Variants in TIMMDC1 observed in about 807,000 individuals in gnomAD.
The protein encoded by TIMMDC1 is complex I assembly factor TIMMDC1, mitochondrial.
A neutral mutation model predicts 32.6 loss-of-function variants in TIMMDC1; 25 were observed. The observed-to-expected ratio is 0.77, with a 90% CI of 0.56 to 1.07. TIMMDC1 has a LOEUF of 1.07. Ranked by LOEUF, TIMMDC1 falls within the 50% of genes least tolerant of loss-of-function variation. TIMMDC1 has a pLI of 0.00. For missense variants in TIMMDC1, 329 were observed against 349.2 expected, an observed-to-expected ratio of 0.94 and a Z score of 0.46; for synonymous variants, 130 against 127.6, an observed-to-expected ratio of 1.02 and a Z score of -0.13.
intron 5 of TIMMDC1, among the ~76,000 whole-genome samples, chr3:119,515,912 C>T (rs1459955690): frequency 6.6e-6 from 1 of 152,146 alleles, no homozygotes; most frequent in East Asian, 1.9e-4. Context: ...CCTGTTCACC[C>T]CTTTGTCTAC....
chr3:119,518,733 C>G (rs1457324863), intron 6 of TIMMDC1, among the ~76,000 whole-genome samples: 1 of 152,136 alleles, frequency 6.6e-6, no homozygotes, highest in African/African-American at 2.4e-5. Flanking sequence ...AGTGGCTGAG[C>G]TGCCACGTGC....
chr3:119,505,871 A>G (rs2081915614), intron 4 of TIMMDC1, among the ~76,000 whole-genome samples: 1 of 152,166 alleles, frequency 6.6e-6, no homozygotes, highest in Non-Finnish European at 1.5e-5. Context: ...TTCTCTGTGT[A>G]TATGTGTACA....
chr3:119,503,950 C>G lies in TIMMDC1; in HGVS notation c.450-4C>G. 1 of 1,611,130 alleles carries G rather than the reference C, an allele frequency of 6.2e-7. No individual in the cohort carries two copies. The highest frequency in any genetic ancestry group is 1.1e-5 in the South Asian group (1 of 90,954). On this transcript the variant is annotated splice_polypyrimidine_tract_variant and splice_region_variant and intron_variant, in intron 3 of 6. Transcript: ENST00000494664. ...ATATTTTCCTTCTCCTCCCTTTTTACCAGCACAGTGAACACTAGTCTGAAT... is the reference window on the plus strand; with the variant it reads ...ATATTTTCCTTCTCCTCCCTTTTTAGCAGCACAGTGAACACTAGTCTGAAT...
chr3:119,505,219 C>T (rs1005813355), intron 4 of TIMMDC1, among the ~76,000 whole-genome samples: 1 of 152,082 alleles, frequency 6.6e-6, no homozygotes, highest in African/African-American at 2.4e-5. Context: ...CATATGTGTA[C>T]AATTTTTACT....
chr3:119,507,346 T>G (rs1320868838), intron 4 of TIMMDC1, among the ~76,000 whole-genome samples: 4 of 152,150 alleles, frequency 2.6e-5, no homozygotes, highest in Non-Finnish European at 5.9e-5. Context: ...GGTTCCCATC[T>G]TTTTTCTCTT....
chr3:119,511,700 G>A (rs2081954192), intron 4 of TIMMDC1, among the ~76,000 whole-genome samples: 3 of 152,108 alleles, frequency 2.0e-5, no homozygotes, highest in African/African-American at 4.8e-5. Flanking sequence ...TGCAGGTAAT[G>A]GATAAAAGCC....
At position 119,500,121 on chromosome 3, in the gene TIMMDC1, TA is replaced by T. The variant is rs551544592; in HGVS notation, c.195-570del. Among the ~76,000 whole-genome samples the T allele has an allele frequency of 9.2e-5, 14 of 152,336 alleles. No individual in the cohort carries two copies. The South Asian group carries it at 2.9e-3, about 32-fold the overall frequency. On this transcript the variant is annotated intron_variant, in intron 1 of 6. Transcript: ENST00000494664. ...CTGAGTATTTCATGAAATTATTTAG[TA>T]AAATAGAATTTAGATTTTTTGTCTT...
chr3:119,505,943 A>G (rs2081916292), intron 4 of TIMMDC1, among the ~76,000 whole-genome samples: 2 of 152,130 alleles, frequency 1.3e-5, no homozygotes, highest in Non-Finnish European at 1.5e-5. Context: ...GGGTACATGT[A>G]CAGGATGTGT....
intron 4 of TIMMDC1, among the ~76,000 whole-genome samples, chr3:119,510,473 AT>A (rs5852205): frequency 0.81 from 123,045 of 152,096 alleles, 49,845 homozygotes; most frequent in East Asian, 0.87. Flanking sequence ...AATGCTGATT[AT>A]TAAGAGCATA....
At chr3:119,515,443 C>T (rs1016966844) in intron 5 of TIMMDC1, among the ~76,000 whole-genome samples, 1 of 152,142 alleles carries the variant, frequency 6.6e-6, no homozygotes, top group Non-Finnish European at 1.5e-5. Context: ...GAAAACTCTG[C>T]TTTTGAGTGT....
At chr3:119,521,704 A>G (rs11712351) in intron 6 of TIMMDC1, among the ~76,000 whole-genome samples, 1 of 151,786 alleles carries the variant, frequency 6.6e-6, no homozygotes, top group Non-Finnish European at 1.5e-5. Context: ...TTAAAAAAAA[A>G]AAAGTGGGCG....
In TIMMDC1 at chr3:119,524,375, A is replaced by G. The variant is rs1048579102; in HGVS notation, c.*619A>G. ...GCTGTAGAATACAGGAATTACTTAG[A>G]ATAGAAACATAGTCATCACAACTGT... On this transcript the variant is annotated 3_prime_UTR_variant, in exon 7 of 7. Coordinates refer to ENST00000494664, the MANE Select transcript of TIMMDC1 (RefSeq NM_016589.4). 6.6e-6 allele frequency: 1 copy of G among 152,278 alleles called. No homozygotes were observed. Among genetic ancestry groups the G allele is most frequent in the Non-Finnish European group, 1.5e-5 (1 of 68,048 alleles). 9.4% of individuals were successfully genotyped at this position (152,278 alleles called of 1,614,324 possible).
chr3:119,510,962 C>G (rs2081948412), intron 4 of TIMMDC1, among the ~76,000 whole-genome samples: 1 of 152,136 alleles, frequency 6.6e-6, no homozygotes. Context: ...TTTTGACTCC[C>G]CCAAAACTTA....
intron 4 of TIMMDC1, among the ~76,000 whole-genome samples, chr3:119,509,708 C>T (rs1459318678): frequency 5.6e-5 from 8 of 142,024 alleles, no homozygotes; most frequent in South Asian, 2.2e-4. Context: ...TTTTTTGAGA[C>T]GGAATCTTGC....
At chr3:119,509,161 G>A (rs545821539) in intron 4 of TIMMDC1, among the ~76,000 whole-genome samples, 19 of 151,936 alleles carry the variant, frequency 1.3e-4, no homozygotes, top group South Asian at 4.2e-4. Flanking sequence ...AGCTGAGATC[G>A]CGCCACTGCA....
chr3:119,512,341 C>T (rs1366973298), intron 4 of TIMMDC1, among the ~76,000 whole-genome samples: 3 of 152,124 alleles, frequency 2.0e-5, no homozygotes, highest in South Asian at 2.1e-4. Context: ...TGCAGTGACG[C>T]GATCTCGGCT....
rs368262377 is a variant in TIMMDC1, at chr3:119,517,177, C to G, written c.597-28C>G. 814 of 1,502,204 alleles carry G rather than the reference C, an allele frequency of 5.4e-4. 2 individuals carry two copies. The highest frequency in any genetic ancestry group is 7.3e-4 in the Non-Finnish European group (785 of 1,081,878). 93.1% of individuals were successfully genotyped at this position (1,502,204 alleles called of 1,614,324 possible). ...TGCAAGGTCTAATGACTCGTTTTTC[C>G]TAAGCTTTCCCTCTCCTTTCTTCTC... On this transcript the variant is annotated intron_variant, in intron 5 of 6. Transcript: ENST00000494664.
intron 3 of TIMMDC1, 57 bp from the exon 4 acceptor site, chr3:119,503,897 A>G (rs1246615101): frequency 7.0e-7 from 1 of 1,424,066 alleles, no homozygotes; most frequent in African/African-American, 1.4e-5. Context: ...AACACTCAAG[A>G]AGGTAAATGG....
At chr3:119,518,865 A>G (rs936190552) in intron 6 of TIMMDC1, among the ~76,000 whole-genome samples, 1 of 150,252 alleles carries the variant, frequency 6.7e-6, no homozygotes, top group Non-Finnish European at 1.5e-5. Flanking sequence ...ATACATTCCA[A>G]GTGCTAAAAG....
Sources: allele counts gnomAD v4.1 joint callset (sites outside exome capture counted in the v4.1 genomes callset), GRCh38; gene constraint gnomAD v4.1.1; transcripts MANE v1.5; gene names NCBI Gene and HGNC (gene_info 2026-07-23, HGNC 2026-07-21).